COL16A1: variants seen among roughly 807,000 people sequenced by gnomAD.
COL16A1 encodes the protein collagen alpha-1(XVI) chain.
In COL16A1, 189 loss-of-function variants were observed where a neutral mutation model predicts 266.3. The ratio of observed to expected loss-of-function variants is 0.71; its 90% confidence interval spans 0.63 to 0.80. The LOEUF (loss-of-function observed/expected upper bound fraction) is 0.80, where lower values mean the gene tolerates loss of function less well. Ranked by LOEUF, COL16A1 falls within the 30% of genes least tolerant of loss-of-function variation. COL16A1 has a pLI of 0.00. For synonymous variants in COL16A1, 740 were observed against 782.3 expected, an observed-to-expected ratio of 0.95 and a Z score of 0.90; for missense variants, 1,928 against 2,122.4, an observed-to-expected ratio of 0.91 and a Z score of 1.80.
chr1:31,667,846 G>GT (rs1172839350), intron 51 of COL16A1, among the ~76,000 whole-genome samples: 3 of 152,148 alleles, frequency 2.0e-5, no homozygotes, highest in Admixed American at 1.3e-4. Context: ...AGCAGCTTCT[G>GT]TGGGGGTGGC....
intron 42 of COL16A1, among the ~76,000 whole-genome samples, chr1:31,677,747 C>T (rs569112475): frequency 1.3e-3 from 201 of 152,336 alleles, no homozygotes; most frequent in African/African-American, 4.6e-3. Context: ...GCTTGGCCCT[C>T]CTGCATCCCA....
At position 31,686,139 on chromosome 1, in the gene COL16A1, C is replaced by A. The variant is rs7533280; in HGVS notation, c.1840-4G>T. 2.9e-3 allele frequency: 4,644 copies of A among 1,614,114 alleles called. 119 individuals are homozygous for A. The African/African-American group carries it at 0.053, about 19-fold the overall frequency. On this transcript the variant is annotated splice_polypyrimidine_tract_variant and splice_region_variant and intron_variant, in intron 27 of 70. Transcript: ENST00000373672. ...GCCCCACTGGTCCTGGTGGCCCCTG[C>A]ATGTTAAGACGCTACAGGTAATGCC...
chr1:31,687,069 T>C (rs1644012991), intron 26 of COL16A1, among the ~76,000 whole-genome samples: 1 of 152,148 alleles, frequency 6.6e-6, no homozygotes, highest in African/African-American at 2.4e-5. Context: ...TACTGATTCT[T>C]CTACAAAGCC....
chr1:31,699,789 C>T, intron 4 of COL16A1, 24 bp downstream of exon 4: 1 of 1,419,400 alleles, frequency 7.0e-7, no homozygotes, highest in South Asian at 1.1e-5. Flanking sequence ...TGTTGATTCT[C>T]AGTGGTCACA....
intron 52 of COL16A1, among the ~76,000 whole-genome samples, chr1:31,667,239 C>A (rs903830258): frequency 6.6e-6 from 1 of 152,258 alleles, no homozygotes; most frequent in Non-Finnish European, 1.5e-5. Context: ...CACAGCCCAA[C>A]TCCTGTGCTC....
chr1:31,680,452 A>T (rs1419258855), intron 39 of COL16A1, among the ~76,000 whole-genome samples: 2 of 152,124 alleles, frequency 1.3e-5, no homozygotes, highest in East Asian at 3.8e-4. Context: ...CTTTCAGTAC[A>T]ACTGCAGCCC....
chr1:31,692,626 T>C lies in COL16A1; in HGVS notation c.1130A>G (p.Lys377Arg), dbSNP rs530589424. 1.1e-5 allele frequency: 17 copies of C among 1,614,162 alleles called. No individual in the cohort carries two copies. The East Asian group carries it at 2.5e-4, about 23-fold the overall frequency. ...AGCTCCTGACTCCCCCTTCTCTCCC[T>C]TCGGGCCTTCTGCACACTGAACAGG... Reference protein sequence around the residue: ...DAPLQCAEGPKGEKGESGALG... With the variant: ...DAPLQCAEGPRGEKGESGALG... Residue 377 changes from lysine to arginine, a missense_variant, in exon 15 of 71, where the codon AAG becomes AGG. Physicochemically the swap from Lys to Arg is conservative, Grantham distance 26 (BLOSUM62 2). Transcript: ENST00000373672.
rs71006319 is a variant in COL16A1, at chr1:31,664,156, A to AGGAAGGGGAAGG, written c.3555+1004_3555+1015dup. ...TGCCACTCAGGTCCTGGGGAGGGGA[A>AGGAAGGGGAAGG]GGAAGGGGAAGGGGAAGGGGAAGGG... On this transcript the variant is annotated intron_variant, in intron 56 of 70. Coordinates refer to ENST00000373672, the MANE Select transcript of COL16A1 (RefSeq NM_001856.4). This position sits in a 1 kb window ranked among gnomAD's most constrained non-coding sequence, Gnocchi z 5.5. Among the ~76,000 whole-genome samples, 4 of 135,042 alleles carry AGGAAGGGGAAGG rather than the reference A, an allele frequency of 3.0e-5. No individual in the cohort carries two copies. Among genetic ancestry groups the AGGAAGGGGAAGG allele is most frequent in the South Asian group, 2.4e-4 (1 of 4,120 alleles). 88.6% of individuals were successfully genotyped at this position (135,042 alleles called of 152,430 possible).
intron 68 of COL16A1, 79 bp downstream of exon 68, chr1:31,654,713 G>A: frequency 6.2e-7 from 1 of 1,610,362 alleles, no homozygotes. Context: ...GCGTTAAGGA[G>A]AAAGAGGCCA....
chr1:31,699,898 T>G lies in COL16A1; in HGVS notation c.181A>C (p.Lys61Gln). ...FNLIHRLSLMKTSAIKKIRNP... is the reference protein window; with the variant it reads ...FNLIHRLSLMQTSAIKKIRNP... ...CGGATCTTCTTGATGGCAGACGTCT[T>G]CATGAGGCTGAGTCGGTGGATGAGG... Residue 61 changes from lysine (K) to glutamine (Q), a missense_variant, in exon 4 of 71, where the codon AAG becomes CAG. Physicochemically the swap from Lys to Gln is moderately conservative, Grantham distance 53. Coordinates refer to ENST00000373672, the MANE Select transcript of COL16A1 (RefSeq NM_001856.4). 1 of 1,613,848 alleles carries G rather than the reference T, an allele frequency of 6.2e-7. No individual in the cohort carries two copies. The highest frequency in any genetic ancestry group is 2.2e-5 in the East Asian group (1 of 44,870).
chr1:31,693,504 G>A (rs1644369554), intron 12 of COL16A1, among the ~76,000 whole-genome samples: 2 of 152,180 alleles, frequency 1.3e-5, no homozygotes, highest in African/African-American at 4.8e-5. Context: ...AGAAACCCAT[G>A]CTGGCTGAGT....
chr1:31,658,555 G>GCTCCTCGGT lies in COL16A1; in HGVS notation c.3944_3952dup (p.Asp1315_Gly1317dup), dbSNP rs746015691. On this transcript the variant is annotated inframe_insertion, in exon 64 of 71. Coordinates refer to ENST00000373672, the MANE Select transcript of COL16A1 (RefSeq NM_001856.4). Reference sequence around the variant, plus strand: ...GCCTGCAAGGCCCCTTTCTCCGGTGGCTCCTCGGTCTCCTTTCAGACCCTA... The same window carrying GCTCCTCGGT: ...GCCTGCAAGGCCCCTTTCTCCGGTGGCTCCTCGGTCTCCTCGGTCTCCTTTCAGACCCTA... 6.2e-7 allele frequency: 1 copy of GCTCCTCGGT among 1,604,524 alleles called. No homozygotes were observed. Among genetic ancestry groups the GCTCCTCGGT allele is most frequent in the East Asian group, 2.2e-5 (1 of 44,550 alleles).
At chr1:31,658,610 A>T (rs1641377195) in intron 63 of COL16A1, 33 bp from the exon 64 acceptor site, 4 of 1,557,458 alleles carry the variant, frequency 2.6e-6, no homozygotes, top group East Asian at 2.3e-5. Context: ...GTGAGAGGGG[A>T]GGAAAGCAGG....
chr1:31,678,026 C>T (rs1212109400), intron 42 of COL16A1, among the ~76,000 whole-genome samples: 1 of 152,174 alleles, frequency 6.6e-6, no homozygotes, highest in African/African-American at 2.4e-5. Flanking sequence ...CCCCAAAAGC[C>T]CCAGACACTC....
At position 31,690,575 on chromosome 1, in the gene COL16A1, T is replaced by G; in HGVS notation, c.1438-2A>C. ...CTTTCCTGGGATCCCCGAGCTGCCC[T>G]GTGGTCAGAAGAAAGGATAAGCGGG... On this transcript the variant is annotated splice_acceptor_variant, in intron 20 of 70. Coordinates refer to ENST00000373672, the MANE Select transcript of COL16A1 (RefSeq NM_001856.4). LOFTEE classifies it high-confidence loss of function. 6.2e-7 allele frequency: 1 copy of G among 1,613,614 alleles called. No homozygotes were observed.
Position 31,668,184 on chromosome 1 carries a change from G to A in COL16A1, c.3284C>T (p.Thr1095Met), listed in dbSNP as rs754300548. The A allele has an allele frequency of 1.1e-5, 18 of 1,612,712 alleles. No individual in the cohort carries two copies. The highest frequency in any genetic ancestry group is 6.7e-5 in the East Asian group (3 of 44,820). ...PPGQPGYPGA[T>M]GPPGLPGIKG... ...ACTCACAGGCAGTCCTGGGGGGCCC[G>A]TGGCACCTGGGTAACCTGGTTGCCC... The change falls in exon 51 of 71, where the codon ACG (threonine) becomes ATG (methionine). Residue 1095 changes from threonine (T) to methionine (M), a missense_variant. Thr to Met is a moderately conservative substitution (Grantham distance 81). Coordinates refer to ENST00000373672, the MANE Select transcript of COL16A1 (RefSeq NM_001856.4). This position sits in a 1 kb window ranked among gnomAD's most constrained non-coding sequence, Gnocchi z 5.8.
Position 31,691,406 on chromosome 1 carries a change from G to A in COL16A1, c.1398+11C>T, listed in dbSNP as rs778204748. 6.2e-6 allele frequency: 10 copies of A among 1,607,116 alleles called. No homozygotes were observed. In the East Asian group the frequency reaches 1.1e-4, roughly 18 times the overall value. ...AGAAAAGCACAGCAGGAGAAGCAAG[G>A]GGGTACTCACCGGGGTCCCAGGCAG... is the stretch of plus-strand genomic sequence containing the variant. On this transcript the variant is annotated intron_variant, in intron 19 of 70. Transcript: ENST00000373672.
chr1:31,686,124 T>C lies in COL16A1; in HGVS notation c.1851A>G (p.Gly617=), dbSNP rs781157911. The change falls in exon 28 of 71, where the codon GGA becomes GGG. Residue 617 remains glycine (G), a synonymous_variant. Coordinates refer to ENST00000373672, the MANE Select transcript of COL16A1 (RefSeq NM_001856.4). ...AGPAGSPGPP[G]PVGPAGIKGA... ...CTTTGATGCCTGCTGGCCCCACTGG[T>C]CCTGGTGGCCCCTGCATGTTAAGAC... 1.7e-5 allele frequency: 27 copies of C among 1,613,970 alleles called. No homozygotes were observed. Among genetic ancestry groups the C allele is most frequent in the Non-Finnish European group, 2.0e-5 (24 of 1,180,030 alleles).
At chr1:31,671,274 T>G (rs1642668552) in intron 48 of COL16A1, among the ~76,000 whole-genome samples, 1 of 152,130 alleles carries the variant, frequency 6.6e-6, no homozygotes, top group African/African-American at 2.4e-5. Flanking sequence ...GCTTCCCTGG[T>G]TGGGAGGCTG....
Sources: allele counts gnomAD v4.1 joint callset (sites outside exome capture counted in the v4.1 genomes callset), GRCh38; gene constraint gnomAD v4.1.1; non-coding constraint Gnocchi (gnomAD v3.1); transcripts MANE v1.5; gene names NCBI Gene and HGNC (gene_info 2026-07-23, HGNC 2026-07-21).